Variants in HS1BP3 observed in about 807,000 individuals in gnomAD.
HS1BP3 encodes HCLS1 binding protein 3, also known as HCLS1-binding protein 3.
In HS1BP3, 32 loss-of-function variants were observed where a neutral mutation model predicts 33.5. The ratio of observed to expected loss-of-function variants is 0.95; its 90% CI spans 0.72 to 1.28. The LOEUF is 1.28. HS1BP3 is among the 50% of genes most tolerant of loss of function. HS1BP3 has a pLI of 0.00. For missense variants in HS1BP3, 486 were observed against 502.3 expected (o/e 0.97, Z 0.31); for synonymous variants, 187 against 209.2 (o/e 0.89, Z 0.92).
intron 6 of HS1BP3, among the ~76,000 whole-genome samples, chr2:20,620,993 G>T (rs1694580999): frequency 6.6e-6 from 1 of 152,242 alleles, no homozygotes. Context: ...TGGGAAGGTG[G>T]GTCTTTTCAG....
intron 2 of HS1BP3, among the ~76,000 whole-genome samples, chr2:20,642,629 G>A (rs10176721): frequency 0.014 from 2,115 of 152,314 alleles, 37 homozygotes; most frequent in African/African-American, 0.047. Flanking sequence ...GCATATCCAG[G>A]CTCGGGGAAC....
At chr2:20,584,539 G>C (rs143747466) in intron 5 of HS1BP3, among the ~76,000 whole-genome samples, 3 of 152,326 alleles carry the variant, frequency 2.0e-5, no homozygotes, top group Non-Finnish European at 2.9e-5. Flanking sequence ...GGGAGGAGCA[G>C]AACCAAGAGG....
rs750705457 is a variant in HS1BP3, at chr2:20,624,755, G to A, written c.761C>T (p.Ser254Leu). 2.9e-5 allele frequency: 46 copies of A among 1,607,380 alleles called. No homozygotes were observed. In the Middle Eastern group the frequency reaches 6.6e-4, roughly 23 times the overall value. The change falls in exon 5 of 7, where the codon TCG becomes TTG. Residue 254 changes from serine (S) to leucine (L), a missense_variant. By Grantham distance (145) the Ser-to-Leu change is moderately radical. Coordinates refer to ENST00000304031, the MANE Select transcript of HS1BP3 (RefSeq NM_022460.4). The part of the protein sequence containing the change: ...PGRKLSPQDP[S>L]EDVSSVDPLK... ...ACGGTCCACGGATGACACGTCCTCC[G>A]AGGGGTCCTGTGGAGACAGCTTCCT...
At chr2:20,615,215 G>A (rs62125674), downstream of HS1BP3, among the ~76,000 whole-genome samples, 7,962 of 152,338 alleles carry the variant, frequency 0.052, 227 homozygotes, top group African/African-American at 0.064. Context: ...GGGTGGGTAA[G>A]TCTCTTCACT....
intron 5 of HS1BP3, among the ~76,000 whole-genome samples, chr2:20,567,251 G>A (rs995448460): frequency 6.6e-5 from 10 of 152,020 alleles, no homozygotes; most frequent in African/African-American, 1.7e-4. Flanking sequence ...GGTGACCCCC[G>A]GACTCAAGTT....
At chr2:20,610,142 C>T (rs1472706649) in intron 2 of HS1BP3, among the ~76,000 whole-genome samples, 1 of 152,184 alleles carries the variant, frequency 6.6e-6, no homozygotes, top group Non-Finnish European at 1.5e-5. Flanking sequence ...CACACATGCA[C>T]AGCCTCGCCC....
chr2:20,570,988 G>T (rs941635268), intron 5 of HS1BP3, among the ~76,000 whole-genome samples: 41 of 152,144 alleles, frequency 2.7e-4, no homozygotes, highest in Admixed American at 9.8e-4. Flanking sequence ...GGCTGGGAAG[G>T]ATTGCAGAAC....
downstream of HS1BP3, among the ~76,000 whole-genome samples, chr2:20,555,754 C>T (rs1692826268): frequency 1.3e-5 from 2 of 151,666 alleles, no homozygotes; most frequent in South Asian, 4.2e-4. Context: ...TTCCTTGTAT[C>T]CAGTTATGAA....
intron 5 of HS1BP3, among the ~76,000 whole-genome samples, chr2:20,573,552 G>A (rs1693325794): frequency 6.6e-6 from 1 of 152,152 alleles, no homozygotes; most frequent in Non-Finnish European, 1.5e-5. Flanking sequence ...TCCCAAAAAA[G>A]GCCTGGCTCG....
chr2:20,601,313 A>C (rs1329912816), intron 2 of HS1BP3, among the ~76,000 whole-genome samples: 1 of 152,228 alleles, frequency 6.6e-6, no homozygotes, highest in African/African-American at 2.4e-5. Context: ...CATCAGTATC[A>C]GTATTCTGTA....
intron 5 of HS1BP3, among the ~76,000 whole-genome samples, chr2:20,571,554 G>T (rs558318224): frequency 1.3e-5 from 2 of 152,196 alleles, no homozygotes; most frequent in Non-Finnish European, 2.9e-5. Context: ...TGGCGCCATC[G>T]GTTGGAAAAA....
intron 2 of HS1BP3, among the ~76,000 whole-genome samples, chr2:20,602,439 T>G (rs946684664): frequency 1.3e-5 from 2 of 152,218 alleles, no homozygotes; most frequent in African/African-American, 4.8e-5. Flanking sequence ...AATTGTTTAT[T>G]TATGGTATCT....
At chr2:20,588,611 A>G (rs6709409), downstream of HS1BP3, among the ~76,000 whole-genome samples, 144,757 of 152,286 alleles carry the variant, frequency 0.95, 69,248 homozygotes, top group East Asian at 1. Flanking sequence ...ACACAGGTGA[A>G]CCACCACGCC....
At chr2:20,555,884 C>T (rs1221063502), downstream of HS1BP3, among the ~76,000 whole-genome samples, 1 of 152,188 alleles carries the variant, frequency 6.6e-6, no homozygotes. Context: ...ACTCCCCTTC[C>T]CCACTTCACC....
At chr2:20,650,867 T>C (rs1049921769) in intron 1 of HS1BP3, among the ~76,000 whole-genome samples, 165 bp downstream of exon 1, 1 of 152,012 alleles carries the variant, frequency 6.6e-6, no homozygotes, top group Non-Finnish European at 1.5e-5. Flanking sequence ...GGTCGCCACC[T>C]CTCCTGCAGG....
chr2:20,562,750 A>C (rs1693031511), intron 5 of HS1BP3, among the ~76,000 whole-genome samples: 1 of 152,214 alleles, frequency 6.6e-6, no homozygotes, highest in African/African-American at 2.4e-5. Context: ...AATTGAATTC[A>C]AAGCGAGGAC....
At chr2:20,619,355 C>A (rs1283869560) in intron 6 of HS1BP3, 110 bp from the exon 7 acceptor site, 45 of 948,840 alleles carry the variant, frequency 4.7e-5, no homozygotes, top group Non-Finnish European at 6.3e-5. Context: ...GCAGGGAGCC[C>A]AGCCTCGGCC....
chr2:20,572,113 A>G (rs573324538), intron 5 of HS1BP3, among the ~76,000 whole-genome samples: 1 of 152,344 alleles, frequency 6.6e-6, no homozygotes, highest in South Asian at 2.1e-4. Flanking sequence ...CTGATGGCTC[A>G]AGAGCTGGCT....
chr2:20,634,534 C>T (rs1019604291), intron 4 of HS1BP3, among the ~76,000 whole-genome samples: 3 of 152,190 alleles, frequency 2.0e-5, no homozygotes, highest in Non-Finnish European at 2.9e-5. Context: ...GAGGCACCCT[C>T]GGGGAAGCAG....
Sources: allele counts gnomAD v4.1 joint callset (sites outside exome capture counted in the v4.1 genomes callset), GRCh38; gene constraint gnomAD v4.1.1; transcripts MANE v1.5; gene names NCBI Gene and HGNC (gene_info 2026-07-23, HGNC 2026-07-21).